CSMD3: variants seen among roughly 807,000 people sequenced by gnomAD.
The protein encoded by CSMD3 is CUB and sushi domain-containing protein 3.
In CSMD3, 177 loss-of-function variants were observed where a neutral mutation model predicts 435.2. The ratio of observed to expected loss-of-function variants is 0.41; its 90% CI spans 0.36 to 0.46. The LOEUF (loss-of-function observed/expected upper bound fraction) is 0.46, where lower values mean the gene tolerates loss of function less well. Ranked by LOEUF, CSMD3 falls within the 20% of genes least tolerant of loss-of-function variation. The pLI, the probability that CSMD3 is intolerant of heterozygous loss-of-function variation, is 0.34. For synonymous variants in CSMD3, 1,656 were observed against 1,520.5 expected (o/e 1.09, Z -2.07); for missense variants, 4,265 against 4,504.6 (o/e 0.95, Z 1.52).
At chr8:113,285,090 G>T (rs1257330560) in intron 2 of CSMD3, among the ~76,000 whole-genome samples, 1 of 152,078 alleles carries the variant, frequency 6.6e-6, no homozygotes, top group African/African-American at 2.4e-5. Context: ...ATCAGTTTTG[G>T]TTTTTGCACA....
intron 45 of CSMD3, among the ~76,000 whole-genome samples, chr8:112,333,931 G>A (rs1014996574): frequency 1.3e-5 from 2 of 152,042 alleles, no homozygotes; most frequent in African/African-American, 4.8e-5. Flanking sequence ...TTATCTTAAT[G>A]ATTATGTATT....
intron 1 of CSMD3, among the ~76,000 whole-genome samples, chr8:113,315,603 A>G (rs1218970571): frequency 1.3e-5 from 2 of 148,700 alleles, no homozygotes; most frequent in East Asian, 3.9e-4. Flanking sequence ...TATATATATT[A>G]AATATATATC....
chr8:113,128,922 C>CT (rs2091213538), intron 4 of CSMD3, among the ~76,000 whole-genome samples: 1 of 152,070 alleles, frequency 6.6e-6, no homozygotes, highest in Non-Finnish European at 1.5e-5. Context: ...TAGTATGATA[C>CT]TTTATCAAAT....
At chr8:112,663,798 A>G (rs905562377) in intron 17 of CSMD3, among the ~76,000 whole-genome samples, 1 of 152,216 alleles carries the variant, frequency 6.6e-6, no homozygotes, top group South Asian at 2.1e-4. Flanking sequence ...TGTCACCTGC[A>G]TTATGGTTTT....
intron 13 of CSMD3, among the ~76,000 whole-genome samples, chr8:112,703,967 A>G (rs1206760181): frequency 1.3e-5 from 2 of 152,122 alleles, no homozygotes; most frequent in African/African-American, 4.8e-5. Context: ...AATGCCTCAG[A>G]TTGAGTACAA....
intron 9 of CSMD3, among the ~76,000 whole-genome samples, chr8:112,929,853 AT>A (rs200950805): frequency 6.6e-6 from 1 of 152,038 alleles, no homozygotes; most frequent in African/African-American, 2.4e-5. Flanking sequence ...AGCTTAAATA[AT>A]TTTTTTTCTG....
chr8:112,897,694 C>CTGTG (rs375797134), intron 10 of CSMD3, among the ~76,000 whole-genome samples: 10 of 91,038 alleles, frequency 1.1e-4, no homozygotes, highest in South Asian at 8.9e-4. Flanking sequence ...CTCTCTCTCT[C>CTGTG]TGTGTGTGTG....
intron 27 of CSMD3, among the ~76,000 whole-genome samples, chr8:112,537,369 T>C (rs1439365201): frequency 6.7e-6 from 1 of 149,996 alleles, no homozygotes; most frequent in Non-Finnish European, 1.5e-5. Context: ...CCCAAATTAG[T>C]AGAAGGAAAG....
chr8:112,757,033 T>C (rs1035364427), intron 13 of CSMD3, among the ~76,000 whole-genome samples: 1 of 152,148 alleles, frequency 6.6e-6, no homozygotes, highest in South Asian at 2.1e-4. Flanking sequence ...CCTCCCAAAG[T>C]GCTGGGATTA....
At chr8:113,387,345 G>A (rs1044981912) in intron 1 of CSMD3, among the ~76,000 whole-genome samples, 1 of 151,678 alleles carries the variant, frequency 6.6e-6, no homozygotes, top group African/African-American at 2.4e-5. Context: ...TGACTTTTAC[G>A]AATACAGCAG....
At chr8:112,310,919 G>A (rs1563772342) in intron 50 of CSMD3, 59 bp downstream of exon 50, 3 of 1,407,252 alleles carry the variant, frequency 2.1e-6, no homozygotes, top group Non-Finnish European at 3.0e-6. Flanking sequence ...AAATAAAAAC[G>A]TTAAATGGTG....
chr8:113,112,394 T>C (rs2090672314), intron 4 of CSMD3, among the ~76,000 whole-genome samples: 2 of 610 alleles, frequency 3.3e-3, no homozygotes, highest in Non-Finnish European at 4.5e-3. Flanking sequence ...AACATATATA[T>C]ATATATATAT....
Position 112,223,182 on chromosome 8 carries a change from T to C in CSMD3, c.*1589A>G. ...AGAATAAATAACTGATGGCATAAAA[T>C]TTAAAACTGCATCCTGCCAGTAGAG... On this transcript the variant is annotated 3_prime_UTR_variant, in exon 71 of 71. Coordinates refer to ENST00000297405, the MANE Select transcript of CSMD3 (RefSeq NM_198123.2). 2.5e-6 allele frequency: 1 copy of C among 396,198 alleles called. No individual in the cohort carries two copies. The highest frequency in any genetic ancestry group is 4.4e-5 in the Admixed American group (1 of 22,652). 24.5% of individuals were successfully genotyped at this position (396,198 alleles called of 1,614,324 possible). A position where few individuals can be genotyped will look rare whatever the true frequency, so the allele number is the denominator to read the frequency against.
At chr8:112,941,375 G>T (rs944757154) in intron 9 of CSMD3, among the ~76,000 whole-genome samples, 24 of 151,814 alleles carry the variant, frequency 1.6e-4, no homozygotes, top group African/African-American at 5.6e-4. Flanking sequence ...CTCTGCTGGT[G>T]TTGAAGTTAG....
intron 22 of CSMD3, among the ~76,000 whole-genome samples, chr8:112,592,199 T>C (rs571131258): frequency 6.6e-6 from 1 of 152,180 alleles, no homozygotes; most frequent in South Asian, 2.1e-4. Flanking sequence ...GGCATTTCAA[T>C]AATACTTGGA....
At chr8:112,292,754 A>C (rs1341992043) in intron 54 of CSMD3, 44 bp from the exon 55 acceptor site, 3 of 1,550,594 alleles carry the variant, frequency 1.9e-6, no homozygotes, top group Non-Finnish European at 2.7e-6. Flanking sequence ...ACACAGAAAA[A>C]AAATATTTAG....
At chr8:113,048,156 G>A (rs1313498015) in intron 5 of CSMD3, among the ~76,000 whole-genome samples, 1 of 145,158 alleles carries the variant, frequency 6.9e-6, no homozygotes, top group East Asian at 2.1e-4. Context: ...GCAGTGGCGC[G>A]ATCTCGGCTC....
chr8:112,428,431 C>G (rs1171909036), intron 32 of CSMD3, among the ~76,000 whole-genome samples: 1 of 151,900 alleles, frequency 6.6e-6, no homozygotes, highest in Non-Finnish European at 1.5e-5. Flanking sequence ...GGGAAAAAAA[C>G]AAGAAAACCT....
At chr8:112,553,352 A>G (rs555035299) in intron 25 of CSMD3, among the ~76,000 whole-genome samples, 1 of 152,178 alleles carries the variant, frequency 6.6e-6, no homozygotes, top group East Asian at 1.9e-4. Flanking sequence ...TTAAAATTTT[A>G]TATTTTAGGG....
Sources: allele counts gnomAD v4.1 joint callset (sites outside exome capture counted in the v4.1 genomes callset), GRCh38; gene constraint gnomAD v4.1.1; transcripts MANE v1.5; gene names NCBI Gene and HGNC (gene_info 2026-07-23, HGNC 2026-07-21).